Variants in MATN2 observed in about 807,000 individuals in gnomAD.
MATN2 encodes matrilin-2.
Under a neutral mutation model 103.2 loss-of-function variants are expected in MATN2, and 69 were observed. That is an observed-to-expected ratio of 0.67 (90% CI 0.55 to 0.82). MATN2 has a LOEUF of 0.82. Ranked by LOEUF, MATN2 falls within the 40% of genes least tolerant of loss-of-function variation. MATN2 has a pLI of 0.00. For synonymous variants in MATN2, 429 were observed against 450.2 expected (o/e 0.95, Z 0.60); for missense variants, 1,023 against 1,211.5 (o/e 0.84, Z 2.31).
chr8:97,879,980 C>G (rs1274834795), intron 1 of MATN2, among the ~76,000 whole-genome samples: 1 of 152,074 alleles, frequency 6.6e-6, no homozygotes, highest in Non-Finnish European at 1.5e-5. Flanking sequence ...TCTGTGAACT[C>G]ATAGAACAGT....
intron 1 of MATN2, among the ~76,000 whole-genome samples, chr8:97,869,607 G>A (rs1384494660): frequency 6.6e-6 from 1 of 152,220 alleles, no homozygotes; most frequent in Admixed American, 6.5e-5. Flanking sequence ...CCAGACCCCG[G>A]CCACCGCGAC....
intron 4 of MATN2, among the ~76,000 whole-genome samples, chr8:97,953,005 C>T (rs1811012601): frequency 6.7e-6 from 1 of 149,242 alleles, no homozygotes; most frequent in African/African-American, 2.5e-5. Flanking sequence ...TTACTGCGAC[C>T]TGGAACTCCC....
At chr8:97,877,135 T>C (rs1462827020) in intron 1 of MATN2, among the ~76,000 whole-genome samples, 1 of 149,958 alleles carries the variant, frequency 6.7e-6, no homozygotes, top group East Asian at 2.0e-4. Context: ...GCCTCCCGAG[T>C]AGCTGGGACT....
intron 2 of MATN2, among the ~76,000 whole-genome samples, chr8:97,928,877 C>G (rs549777771): frequency 1.3e-5 from 2 of 152,218 alleles, no homozygotes; most frequent in Non-Finnish European, 2.9e-5. Flanking sequence ...TTCAAACTCT[C>G]AGTGCTCCCA....
chr8:97,977,876 C>T (rs987395405), intron 5 of MATN2, among the ~76,000 whole-genome samples: 2 of 152,088 alleles, frequency 1.3e-5, no homozygotes, highest in African/African-American at 2.4e-5. Flanking sequence ...CCTCACGGCT[C>T]GTATTTTAGT....
intron 7 of MATN2, among the ~76,000 whole-genome samples, chr8:97,997,371 C>A (rs1482712746): frequency 6.6e-6 from 1 of 152,220 alleles, no homozygotes; most frequent in Non-Finnish European, 1.5e-5. Context: ...ACAGGACTTC[C>A]TGCCTTAACA....
At chr8:97,881,772 C>A (rs1818260606) in intron 1 of MATN2, among the ~76,000 whole-genome samples, 1 of 152,190 alleles carries the variant, frequency 6.6e-6, no homozygotes, top group Admixed American at 6.6e-5. Flanking sequence ...GAGATGGATA[C>A]ATGCACTGAC....
intron 2 of MATN2, among the ~76,000 whole-genome samples, chr8:97,912,168 A>G (rs1231063806): frequency 6.6e-6 from 1 of 152,200 alleles, no homozygotes; most frequent in Non-Finnish European, 1.5e-5. Flanking sequence ...TCAGCCTTCA[A>G]ATTTGCAGAC....
chr8:98,010,991 T>G (rs141886035), intron 10 of MATN2, among the ~76,000 whole-genome samples: 1,627 of 152,312 alleles, frequency 0.011, 20 homozygotes, highest in African/African-American at 0.036. Context: ...TGTTGTTTCT[T>G]AACCACAGAA....
intron 6 of MATN2, among the ~76,000 whole-genome samples, chr8:97,991,761 G>A (rs1409843930): frequency 6.6e-6 from 1 of 151,866 alleles, no homozygotes; most frequent in Non-Finnish European, 1.5e-5. Flanking sequence ...ATGGGGTCTT[G>A]CTATGTTGCT....
chr8:97,938,962 C>T (rs1434360409), intron 3 of MATN2, among the ~76,000 whole-genome samples: 2 of 152,068 alleles, frequency 1.3e-5, no homozygotes, highest in Non-Finnish European at 2.9e-5. Context: ...CTCTGCCTCC[C>T]GGTTTCAAGC....
At chr8:97,884,492 C>T (rs1425683093) in intron 1 of MATN2, among the ~76,000 whole-genome samples, 1 of 152,096 alleles carries the variant, frequency 6.6e-6, no homozygotes, top group African/African-American at 2.4e-5. Flanking sequence ...AAAATAATAA[C>T]AGCAACAACA....
intron 10 of MATN2, among the ~76,000 whole-genome samples, chr8:98,013,464 C>G (rs1367079889): frequency 6.6e-6 from 1 of 152,230 alleles, no homozygotes; most frequent in African/African-American, 2.4e-5. Context: ...GAATAGCAAA[C>G]TGAGGAAATG....
intron 4 of MATN2, among the ~76,000 whole-genome samples, chr8:97,960,157 A>G (rs62521957): frequency 0.16 from 23,668 of 152,118 alleles, 2,115 homozygotes; most frequent in East Asian, 0.37. Flanking sequence ...GGGTTTCACC[A>G]TGTTGGTCAG....
At chr8:97,880,237 C>A (rs1203180526) in intron 1 of MATN2, among the ~76,000 whole-genome samples, 3 of 151,936 alleles carry the variant, frequency 2.0e-5, no homozygotes, top group Non-Finnish European at 4.4e-5. Flanking sequence ...GTGTGCACCA[C>A]CATGCCTGGC....
rs569105975 is a variant in MATN2, at chr8:98,007,160, G to A, written c.1383G>A (p.Thr461=). The A allele has an allele frequency of 2.5e-5, 40 of 1,613,458 alleles. No homozygotes were observed. The Middle Eastern group carries it at 9.9e-4, about 40-fold the overall frequency. The change falls in exon 9 of 19, where the codon ACG becomes ACA. Residue 461 remains threonine, a synonymous_variant. Transcript: ENST00000254898. This position sits in a 1 kb window ranked among gnomAD's most constrained non-coding sequence, Gnocchi z 4.2. Reference sequence around the variant, plus strand: ...GCTGTGAGCAGCTGTGTCTGAACACGGAGGATTCCTTCGTCTGCCAGTGCT... The same window carrying A: ...GCTGTGAGCAGCTGTGTCTGAACACAGAGGATTCCTTCGTCTGCCAGTGCT... The part of the protein sequence containing the change: ...DHGCEQLCLN[T]EDSFVCQCSE...
chr8:97,909,218 A>T (rs1426097899), intron 2 of MATN2, among the ~76,000 whole-genome samples: 3 of 152,184 alleles, frequency 2.0e-5, no homozygotes, highest in Non-Finnish European at 4.4e-5. Flanking sequence ...TAGGTGTGAG[A>T]CACCATGCCC....
At chr8:97,996,996 G>C (rs13279197) in intron 7 of MATN2, among the ~76,000 whole-genome samples, 11,902 of 152,310 alleles carry the variant, frequency 0.078, 649 homozygotes, top group Non-Finnish European at 0.12. Context: ...CTGAAGAAAA[G>C]ATTCTTGGCC....
intron 2 of MATN2, among the ~76,000 whole-genome samples, chr8:97,922,022 T>G (rs1809828807): frequency 1.3e-5 from 2 of 152,184 alleles, no homozygotes; most frequent in Non-Finnish European, 1.5e-5. Flanking sequence ...TATTGTGAAT[T>G]GTGCATGCAA....
Sources: allele counts gnomAD v4.1 joint callset (sites outside exome capture counted in the v4.1 genomes callset), GRCh38; gene constraint gnomAD v4.1.1; non-coding constraint Gnocchi (gnomAD v3.1); transcripts MANE v1.5; gene names NCBI Gene and HGNC (gene_info 2026-07-23, HGNC 2026-07-21).